CDH18: variants seen among roughly 807,000 people sequenced by gnomAD.
The protein encoded by CDH18 is cadherin 18.
Under a neutral mutation model 67.9 loss-of-function variants are expected in CDH18, and 31 were observed. The ratio of observed to expected loss-of-function variants is 0.46; its 90% CI spans 0.34 to 0.62. The LOEUF (loss-of-function observed/expected upper bound fraction) is 0.62, where lower values mean the gene tolerates loss of function less well. Ranked by LOEUF, CDH18 falls within the 20% of genes least tolerant of loss-of-function variation. The pLI is 0.01. For missense variants in CDH18, 890 were observed against 975.5 expected (o/e 0.91, Z 1.17); for synonymous variants, 362 against 347.2 (o/e 1.04, Z -0.48).
At chr5:20,077,239 ATTCT>A (rs1744026702) in intron 2 of CDH18, among the ~76,000 whole-genome samples, 1 of 152,202 alleles carries the variant, frequency 6.6e-6, no homozygotes. Flanking sequence ...TTACAAAGCA[ATTCT>A]TGAGTTTAAG....
At chr5:19,812,697 A>T (rs765164477) in intron 3 of CDH18, among the ~76,000 whole-genome samples, 1 of 152,174 alleles carries the variant, frequency 6.6e-6, no homozygotes, top group Non-Finnish European at 1.5e-5. Flanking sequence ...AAATTACAGT[A>T]GAAACGCTTT....
At chr5:20,089,321 G>A (rs151266762) in intron 2 of CDH18, among the ~76,000 whole-genome samples, 5 of 151,928 alleles carry the variant, frequency 3.3e-5, no homozygotes, top group East Asian at 1.9e-4. Flanking sequence ...AGACTTTCCC[G>A]TATCTTTTTG....
Position 19,968,709 on chromosome 5 carries a change from C to T in CDH18, c.-257+12351G>A, listed in dbSNP as rs982839396. ...AAATTAATTCAAGATGGATTAAAGA[C>T]TTAAACATTAGACCTAAAACCATCA... is the stretch of plus-strand genomic sequence containing the variant. On this transcript the variant is annotated intron_variant, in intron 2 of 12. Coordinates refer to ENST00000382275, the MANE Select transcript of CDH18 (RefSeq NM_004934.5). Among the ~76,000 whole-genome samples, 47 of 143,330 alleles carry T rather than the reference C, an allele frequency of 3.3e-4. 1 individual carries two copies. The highest frequency in any genetic ancestry group is 1.1e-3 in the South Asian group (5 of 4,756). The allele number at this position is 143,330 out of a possible 152,430, so 94.0% of individuals were successfully genotyped here.
chr5:19,794,625 C>G (rs1012933695), intron 3 of CDH18, among the ~76,000 whole-genome samples: 1 of 151,926 alleles, frequency 6.6e-6, no homozygotes, highest in African/African-American at 2.4e-5. Context: ...CTGTAGAACC[C>G]TAATATAAAC....
intron 2 of CDH18, among the ~76,000 whole-genome samples, chr5:20,160,242 T>C (rs1412600543): frequency 1.3e-5 from 2 of 152,234 alleles, no homozygotes; most frequent in South Asian, 2.1e-4. Context: ...GATCAGAGTA[T>C]AGTTGTTGCA....
At chr5:20,249,023 A>G (rs1405750345) in intron 2 of CDH18, among the ~76,000 whole-genome samples, 1 of 152,234 alleles carries the variant, frequency 6.6e-6, no homozygotes, top group Non-Finnish European at 1.5e-5. Context: ...TATTGGATTA[A>G]GAAAGTCATA....
rs70954623 is a variant in CDH18 at position 19,935,795 on chromosome 5, A to ACTCTCTCTCTCT, written c.-257+45253_-257+45264dup. Among the ~76,000 whole-genome samples, 18 of 117,356 alleles carry ACTCTCTCTCTCT rather than the reference A, an allele frequency of 1.5e-4. No homozygotes were observed. The South Asian group carries it at 3.2e-3, about 21-fold the overall frequency. The allele number at this position is 117,356 out of a possible 152,430, so 77.0% of individuals were successfully genotyped here. A position where few individuals can be genotyped will look rare whatever the true frequency, so the allele number is the denominator to read the frequency against. On this transcript the variant is annotated intron_variant, in intron 2 of 12. Transcript: ENST00000382275. ...AGCTAGCTTTTACATACAGTCAGGAACTCTCTCTCTCTCTCTCTCTCTCTC... is the reference window on the plus strand; with the variant it reads ...AGCTAGCTTTTACATACAGTCAGGAACTCTCTCTCTCTCTCTCTCTCTCTCTCTCTCTCTCTC...
chr5:19,773,440 A>G (rs1183488699), intron 3 of CDH18, among the ~76,000 whole-genome samples: 2 of 152,218 alleles, frequency 1.3e-5, no homozygotes, highest in Non-Finnish European at 2.9e-5. Flanking sequence ...TTGACTTACA[A>G]GGGGCAAGCA....
chr5:20,032,489 G>C (rs1183265874), intron 2 of CDH18, among the ~76,000 whole-genome samples: 3 of 152,012 alleles, frequency 2.0e-5, no homozygotes, highest in Non-Finnish European at 4.4e-5. Context: ...GATTTGGAGA[G>C]TTTGTTATCA....
intron 1 of CDH18, among the ~76,000 whole-genome samples, chr5:20,376,091 A>ATTTTTTTTTTCTTTTTTTTTTTT (rs1743398600): frequency 2.0e-5 from 1 of 49,748 alleles, no homozygotes; most frequent in Non-Finnish European, 3.8e-5. Context: ...AAAAGAAACA[A>ATTTTTTTTTTCTTTTTTTTTTTT]TTTTTTTTTT....
intron 2 of CDH18, among the ~76,000 whole-genome samples, chr5:20,172,224 GTA>G (rs72180276): frequency 0.055 from 1,062 of 19,466 alleles, 84 homozygotes; most frequent in South Asian, 0.16. Flanking sequence ...ATATATATAT[GTA>G]TATATATATA....
intron 9 of CDH18, among the ~76,000 whole-genome samples, chr5:19,523,907 A>G (rs1353175663): frequency 6.6e-6 from 1 of 152,138 alleles, no homozygotes; most frequent in Non-Finnish European, 1.5e-5. Flanking sequence ...TATATCATAC[A>G]GAAAATAAAT....
intron 1 of CDH18, among the ~76,000 whole-genome samples, chr5:20,427,653 A>G (rs1251554363): frequency 6.6e-6 from 1 of 151,210 alleles, no homozygotes; most frequent in Non-Finnish European, 1.5e-5. Context: ...ACATTGGTCT[A>G]AATTGCAATT....
intron 2 of CDH18, among the ~76,000 whole-genome samples, chr5:19,995,584 T>C (rs897894646): frequency 1.4e-5 from 2 of 143,278 alleles, no homozygotes; most frequent in Non-Finnish European, 1.5e-5. Flanking sequence ...CCTCATCTGA[T>C]AGAGCTGTTG....
chr5:20,271,293 AC>A (rs1385812532), intron 1 of CDH18, among the ~76,000 whole-genome samples: 1 of 152,128 alleles, frequency 6.6e-6, no homozygotes, highest in East Asian at 1.9e-4. Flanking sequence ...TGTTGTCCTC[AC>A]GAGAGGCTGG....
intron 2 of CDH18, among the ~76,000 whole-genome samples, chr5:19,935,390 T>C (rs1483870822): frequency 6.6e-6 from 1 of 151,468 alleles, no homozygotes; most frequent in East Asian, 1.9e-4. Context: ...TATATGACAG[T>C]GGTCCTATAA....
intron 2 of CDH18, among the ~76,000 whole-genome samples, chr5:20,234,578 T>C (rs1742332190): frequency 6.6e-6 from 1 of 152,128 alleles, no homozygotes; most frequent in Non-Finnish European, 1.5e-5. Flanking sequence ...ACACTAGATC[T>C]GCTGCAGCCT....
chr5:20,282,023 T>C (rs900649298), intron 1 of CDH18, among the ~76,000 whole-genome samples: 2 of 152,144 alleles, frequency 1.3e-5, no homozygotes, highest in African/African-American at 2.4e-5. Flanking sequence ...TTGTCTGTTA[T>C]TGGTGTATAA....
At chr5:20,507,907 C>T (rs1754751584) in intron 1 of CDH18, among the ~76,000 whole-genome samples, 1 of 152,074 alleles carries the variant, frequency 6.6e-6, no homozygotes, top group African/African-American at 2.4e-5. Context: ...AATATCTAGA[C>T]ACGCAGGACT....
Sources: gnomAD v4.1 joint callset for allele counts (sites outside exome capture counted in the v4.1 genomes callset) on GRCh38, gnomAD v4.1.1 for gene constraint, MANE v1.5 for transcripts, NCBI Gene and HGNC (gene_info 2026-07-23, HGNC 2026-07-21) for gene names.